TMEM266: variants seen among roughly 807,000 people sequenced by gnomAD.
The protein encoded by TMEM266 is transmembrane protein 266.
Under a neutral mutation model 50.5 loss-of-function variants are expected in TMEM266, and 33 were observed. The observed-to-expected ratio is 0.65, with a 90% confidence interval of 0.50 to 0.87. TMEM266 has a LOEUF of 0.87. Ranked by LOEUF, TMEM266 falls within the 40% of genes least tolerant of loss-of-function variation. The pLI, the probability that TMEM266 is intolerant of heterozygous loss-of-function variation, is 0.00. For synonymous variants in TMEM266, 310 were observed against 292.3 expected, an observed-to-expected ratio of 1.06 and a Z score of -0.62; for missense variants, 655 against 695.1, an observed-to-expected ratio of 0.94 and a Z score of 0.65.
chr15:76,063,252 T>C (rs559702406), intron 1 of TMEM266, among the ~76,000 whole-genome samples: 130 of 152,330 alleles, frequency 8.5e-4, no homozygotes, highest in African/African-American at 2.8e-3. Context: ...GTCAACTGTT[T>C]ATATGATAAG....
intron 1 of TMEM266, among the ~76,000 whole-genome samples, chr15:76,078,811 T>A (rs1210831464): frequency 6.6e-6 from 1 of 152,186 alleles, no homozygotes; most frequent in Non-Finnish European, 1.5e-5. Context: ...CTTAAAACAA[T>A]GGAAATTTAT....
In TMEM266 at chr15:76,136,143, A is replaced by G. The variant is rs557431608; in HGVS notation, c.39-1564A>G. On this transcript the variant is annotated intron_variant, in intron 2 of 10. Coordinates refer to ENST00000388942, the MANE Select transcript of TMEM266 (RefSeq NM_152335.3). ...TATTTTTAGTAGAGACGGTTTCACCATGCTGGTCAGGCTGGTCTTGAACTC... is the reference window on the plus strand; with the variant it reads ...TATTTTTAGTAGAGACGGTTTCACCGTGCTGGTCAGGCTGGTCTTGAACTC... 7.6e-4 allele frequency among the ~76,000 whole-genome samples: 116 copies of G among 152,318 alleles called. 1 individual carries two copies. The highest frequency in any genetic ancestry group is 2.7e-3 in the African/African-American group (113 of 41,578).
In TMEM266 at chr15:76,192,126, G is replaced by C. The variant is rs2038585096; in HGVS notation, c.927G>C (p.Glu309Asp). Residue 309 changes from glutamate to aspartate, a missense_variant, in exon 9 of 11, where the codon GAG (glutamate) becomes GAC (aspartate). Physicochemically the swap from Glu to Asp is conservative, Grantham distance 45. Coordinates refer to ENST00000388942, the MANE Select transcript of TMEM266 (RefSeq NM_152335.3). ...CGTGGGACGAGGAGACGGCGGCCGA[G>C]AGCGTCGTGGAGGAGCTGCAGCCCT... The C allele has an allele frequency of 5.7e-6, 8 of 1,410,112 alleles. No individual in the cohort carries two copies. In the South Asian group the frequency reaches 1.2e-4, roughly 22 times the overall value. The allele number at this position is 1,410,112 out of a possible 1,614,324, so 87.3% of individuals were successfully genotyped here. A position where few individuals can be genotyped will look rare whatever the true frequency, so the allele number is the denominator to read the frequency against.
chr15:76,184,476 T>G (rs538981208), intron 8 of TMEM266, among the ~76,000 whole-genome samples: 2 of 152,356 alleles, frequency 1.3e-5, no homozygotes, highest in African/African-American at 4.8e-5. Context: ...GTCTCCTGAT[T>G]TTTATTGTTA....
intron 8 of TMEM266, among the ~76,000 whole-genome samples, chr15:76,183,103 CTTTTTTTTTTTTTTTTTT>C (rs71140199): frequency 4.5e-5 from 2 of 44,126 alleles, no homozygotes; most frequent in Admixed American, 4.8e-4. Flanking sequence ...CATTTTGTGG[CTTTTTTTTTTTTTTTTTT>C]TTTTTTTTTT....
At chr15:76,164,574 T>A (rs1468873351) in intron 5 of TMEM266, among the ~76,000 whole-genome samples, 2 of 152,178 alleles carry the variant, frequency 1.3e-5, no homozygotes, top group African/African-American at 2.4e-5. Context: ...GATCTTCACA[T>A]TTCTTACTTT....
At chr15:76,166,855 G>A (rs2038104898) in intron 5 of TMEM266, among the ~76,000 whole-genome samples, 1 of 152,178 alleles carries the variant, frequency 6.6e-6, no homozygotes, top group African/African-American at 2.4e-5. Context: ...AGCTCTAAAG[G>A]TGCATGGTGG....
chr15:76,191,868 C>T, intron 8 of TMEM266, 100 bp from the exon 9 acceptor site: 1 of 1,149,770 alleles, frequency 8.7e-7, no homozygotes, highest in Non-Finnish European at 1.2e-6. Flanking sequence ...CCAGTCCTCC[C>T]CACCCCGCCC....
intron 9 of TMEM266, 41 bp downstream of exon 9, chr15:76,192,198 G>A: frequency 7.2e-7 from 1 of 1,387,588 alleles, no homozygotes; most frequent in Non-Finnish European, 9.3e-7. Context: ...TGTCACGGCC[G>A]GGGATCCCCC....
intron 1 of TMEM266, among the ~76,000 whole-genome samples, chr15:76,125,664 A>G (rs2037409581): frequency 6.6e-6 from 1 of 152,090 alleles, no homozygotes; most frequent in African/African-American, 2.4e-5. Flanking sequence ...CCTGGCCAAC[A>G]TGGCGAAACC....
At chr15:76,091,553 C>G (rs2036848421) in intron 1 of TMEM266, among the ~76,000 whole-genome samples, 2 of 151,728 alleles carry the variant, frequency 1.3e-5, no homozygotes, top group Non-Finnish European at 2.9e-5. Flanking sequence ...CCATCTCAAA[C>G]AAAACAAAAC....
chr15:76,117,388 A>G lies in TMEM266; in HGVS notation c.-96-16780A>G, dbSNP rs560153817. ...CACTACGGCAGTGCCTGAGGTGGTC[A>G]GTCATTTTGTCTTTATTTACACGTG... On this transcript the variant is annotated intron_variant, in intron 1 of 10. Transcript: ENST00000388942. 4.6e-5 allele frequency among the ~76,000 whole-genome samples: 7 copies of G among 152,242 alleles called. No homozygotes were observed. The East Asian group carries it at 9.6e-4, about 21-fold the overall frequency.
chr15:76,175,738 C>T lies in TMEM266; in HGVS notation c.768+64C>T, dbSNP rs999785109. 89 of 1,352,914 alleles carry T rather than the reference C, an allele frequency of 6.6e-5. No individual in the cohort carries two copies. In the African/African-American group the frequency reaches 1.1e-3, roughly 17 times the overall value. 83.8% of individuals were successfully genotyped at this position (1,352,914 alleles called of 1,614,324 possible). On this transcript the variant is annotated intron_variant, in intron 8 of 10. Transcript: ENST00000388942. ...CTGGGGACACTGGTAGTGCCTAAAG[C>T]CATGGGTTGCTAGAGCTGCAGGGGC...
chr15:76,169,944 C>T (rs920649563), intron 6 of TMEM266, 72 bp downstream of exon 6: 552 of 1,503,754 alleles, frequency 3.7e-4, no homozygotes, highest in Non-Finnish European at 4.8e-4. Context: ...ATGTCCCATC[C>T]ATTCCAGGGT....
intron 3 of TMEM266, among the ~76,000 whole-genome samples, chr15:76,141,447 C>T (rs925345243): frequency 1.3e-5 from 2 of 151,912 alleles, no homozygotes; most frequent in African/African-American, 2.4e-5. Flanking sequence ...CCATATTGCC[C>T]GGGCTGGTCT....
At chr15:76,064,301 A>G (rs2036368933) in intron 1 of TMEM266, among the ~76,000 whole-genome samples, 1 of 152,216 alleles carries the variant, frequency 6.6e-6, no homozygotes, top group Admixed American at 6.5e-5. Context: ...AGGGTCTGAG[A>G]GTTCACTGCC....
At position 76,170,966 on chromosome 15, in the gene TMEM266, G is replaced by A. The variant is rs767905383; in HGVS notation, c.514-27G>A. On this transcript the variant is annotated intron_variant, in intron 6 of 10. Transcript: ENST00000388942. ...GTCCCGGACACACGGCAGGGCCCAG[G>A]GCACTGAAATGGGCCTCCTCTCACA... 1.9e-6 allele frequency: 3 copies of A among 1,605,040 alleles called. No homozygotes were observed. In the Admixed American group the frequency reaches 5.0e-5, roughly 27 times the overall value.
intron 1 of TMEM266, chr15:76,112,071 C>T (rs780332098): frequency 6.6e-6 from 1 of 152,112 alleles, no homozygotes; most frequent in Non-Finnish European, 1.5e-5. Context: ...CCTATTTGAC[C>T]TTCTGAAAAA....
intron 1 of TMEM266, among the ~76,000 whole-genome samples, chr15:76,060,245 GCTT>G (rs946237760): frequency 5.3e-5 from 8 of 152,212 alleles, no homozygotes; most frequent in African/African-American, 1.7e-4. Flanking sequence ...CTTGTCACAT[GCTT>G]CTTATTTATT....
Sources: allele counts gnomAD v4.1 joint callset (sites outside exome capture counted in the v4.1 genomes callset), GRCh38; gene constraint gnomAD v4.1.1; transcripts MANE v1.5; gene names NCBI Gene and HGNC (gene_info 2026-07-23, HGNC 2026-07-21).